Variants in ANAPC1 observed in about 807,000 individuals in gnomAD.
The protein encoded by ANAPC1 is anaphase-promoting complex subunit 1.
ANAPC1 carries 36 observed loss-of-function variants against 208.0 expected under a neutral mutation model. The observed-to-expected ratio is 0.17, with a 90% CI of 0.13 to 0.23. The LOEUF is 0.23. ANAPC1 is among the 10% of genes least tolerant of loss of function. The probability of loss-of-function intolerance (pLI) is 1.00; values close to 1 mark genes in which losing one functional copy is unlikely to be tolerated. For missense variants in ANAPC1, 942 were observed against 2,011.6 expected, an observed-to-expected ratio of 0.47 and a Z score of 10.17; for synonymous variants, 378 against 695.2, an observed-to-expected ratio of 0.54 and a Z score of 7.18.
intron 1 of ANAPC1, among the ~76,000 whole-genome samples, chr2:111,881,760 G>C (rs1336606841): frequency 2.0e-5 from 3 of 152,140 alleles, no homozygotes; most frequent in Admixed American, 6.5e-5. Flanking sequence ...TAAGACTTTT[G>C]AGATGATGCA....
At chr2:111,866,172 C>T (rs1558736584) in intron 7 of ANAPC1, 1 of 245,448 alleles carries the variant, frequency 4.1e-6, no homozygotes, top group Non-Finnish European at 7.9e-6. Context: ...CCACTGCACT[C>T]CAGCCTGGGC....
intron 38 of ANAPC1, among the ~76,000 whole-genome samples, chr2:111,790,335 T>C (rs556783686): frequency 1.3e-5 from 2 of 152,218 alleles, no homozygotes; most frequent in East Asian, 3.9e-4. Flanking sequence ...AAAACACACT[T>C]TTGAAGAAGA....
intron 34 of ANAPC1, among the ~76,000 whole-genome samples, chr2:111,797,704 A>G (rs1339361938): frequency 6.6e-6 from 1 of 150,960 alleles, no homozygotes; most frequent in East Asian, 2.0e-4. Context: ...ACTATTTCTA[A>G]AAGGGTCAAA....
intron 14 of ANAPC1, among the ~76,000 whole-genome samples, chr2:111,848,308 C>T (rs1420034257): frequency 2.0e-5 from 3 of 151,398 alleles, no homozygotes; most frequent in Non-Finnish European, 4.4e-5. Flanking sequence ...GGAGAGAAGG[C>T]AACTGCAGGG....
intron 17 of ANAPC1, among the ~76,000 whole-genome samples, chr2:111,838,938 T>G (rs1016604114): frequency 2.0e-5 from 3 of 152,190 alleles, no homozygotes; most frequent in Non-Finnish European, 4.4e-5. Context: ...GTAAACTATC[T>G]AACAATTCTA....
intron 13 of ANAPC1, among the ~76,000 whole-genome samples, chr2:111,854,929 C>T (rs1054343454): frequency 6.6e-6 from 1 of 152,206 alleles, no homozygotes; most frequent in African/African-American, 2.4e-5. Flanking sequence ...TTTTCCTCTG[C>T]ATGCACAAGT....
At chr2:111,775,045 A>G (rs189615323) in intron 46 of ANAPC1, among the ~76,000 whole-genome samples, 1 of 152,298 alleles carries the variant, frequency 6.6e-6, no homozygotes, top group Admixed American at 6.5e-5. Context: ...AGGCACGTAG[A>G]TCATGAGGTC....
intron 38 of ANAPC1, among the ~76,000 whole-genome samples, chr2:111,791,297 AGGATAT>A: frequency 6.7e-6 from 1 of 150,322 alleles, no homozygotes; most frequent in East Asian, 1.9e-4. Flanking sequence ...AGGGTTGACA[AGGATAT>A]GGAACAACTG....
In ANAPC1 at chr2:111,782,282, G is replaced by T. The variant is rs190167549; in HGVS notation, c.5202+87C>A. ...ATCTGCAACAATGAAAAAGGAAGCAGATCCACCTTTGAAGTTTATAGCAAT... is the reference window on the plus strand; with the variant it reads ...ATCTGCAACAATGAAAAAGGAAGCATATCCACCTTTGAAGTTTATAGCAAT... On this transcript the variant is annotated intron_variant, in intron 43 of 47. Transcript: ENST00000341068. The T allele has an allele frequency of 3.9e-3, 6,055 of 1,535,614 alleles. 177 individuals are homozygous for T. The African/African-American group carries it at 0.072, about 18-fold the overall frequency.
chr2:111,771,571 T>C (rs1305216734), intron 47 of ANAPC1, among the ~76,000 whole-genome samples: 1 of 151,314 alleles, frequency 6.6e-6, no homozygotes, highest in Non-Finnish European at 1.5e-5. Context: ...CTCCCTGTTG[T>C]ACTTCCCTTT....
At chr2:111,782,713 T>C (rs1044429296) in intron 42 of ANAPC1, among the ~76,000 whole-genome samples, 1 of 152,220 alleles carries the variant, frequency 6.6e-6, no homozygotes, top group African/African-American at 2.4e-5. Flanking sequence ...TCTAGATTCA[T>C]GGAACTTGTT....
intron 28 of ANAPC1, among the ~76,000 whole-genome samples, chr2:111,810,603 C>T (rs1678932502): frequency 6.7e-6 from 1 of 148,588 alleles, no homozygotes; most frequent in Admixed American, 6.7e-5. Flanking sequence ...AAGAGTGGGG[C>T]TGGGTGCAGA....
chr2:111,804,077 TTTAGAG>T (rs1443882117), intron 30 of ANAPC1, among the ~76,000 whole-genome samples: 1 of 151,334 alleles, frequency 6.6e-6, no homozygotes, highest in East Asian at 1.9e-4. Context: ...ACATAAGAGC[TTTAGAG>T]TTAGTTACAT....
At position 111,794,300 on chromosome 2, in the gene ANAPC1, G is replaced by A. The variant is rs1446224048; in HGVS notation, c.4397C>T (p.Ala1466Val). Residue 1466 changes from alanine to valine, a missense_variant, in exon 36 of 48, where the codon GCA (alanine) becomes GTA (valine). Transcript: ENST00000341068. The stretch of plus-strand genomic sequence containing the variant: ...AAAACCCAGAGACAAGCAGGCTCCT[G>A]CAATTATGTAGACATGTGCTTGGCT... ...TLSQAHVYIIAGACLSLGFRF... is the reference protein window; with the variant it reads ...TLSQAHVYIIVGACLSLGFRF... The A allele has an allele frequency of 6.2e-7, 1 of 1,612,904 alleles. No individual in the cohort carries two copies. Among genetic ancestry groups the A allele is most frequent in the Non-Finnish European group, 8.5e-7 (1 of 1,179,500 alleles).
At chr2:111,878,688 A>G in intron 3 of ANAPC1, 122 bp downstream of exon 3, 1 of 1,317,996 alleles carries the variant, frequency 7.6e-7, no homozygotes, top group Middle Eastern at 2.7e-4. Flanking sequence ...GTCATGTTAC[A>G]ACGTACACCC....
At chr2:111,771,676 A>G (rs1676746247) in intron 47 of ANAPC1, among the ~76,000 whole-genome samples, 1 of 151,444 alleles carries the variant, frequency 6.6e-6, no homozygotes, top group Admixed American at 6.6e-5. Context: ...AAGTCTCTAG[A>G]TAGTAAACTT....
intron 28 of ANAPC1, among the ~76,000 whole-genome samples, chr2:111,813,338 G>GA (rs1558685353): frequency 6.6e-6 from 1 of 150,990 alleles, no homozygotes; most frequent in Non-Finnish European, 1.5e-5. Context: ...CTGAAAGCCC[G>GA]ACTCCTCTGA....
At chr2:111,777,315 C>T (rs1034125169) in intron 45 of ANAPC1, among the ~76,000 whole-genome samples, 2 of 152,088 alleles carry the variant, frequency 1.3e-5, no homozygotes, top group Non-Finnish European at 2.9e-5. Context: ...ATTCTTGGCT[C>T]AACAGCTCCG....
chr2:111,808,125 AG>A (rs1378539235), intron 29 of ANAPC1, among the ~76,000 whole-genome samples: 1 of 149,650 alleles, frequency 6.7e-6, no homozygotes, highest in African/African-American at 2.4e-5. Context: ...GAACGGCAGC[AG>A]AACAGCCGGC....
Sources: allele counts gnomAD v4.1 joint callset (sites outside exome capture counted in the v4.1 genomes callset), GRCh38; gene constraint gnomAD v4.1.1; transcripts MANE v1.5; gene names NCBI Gene and HGNC (gene_info 2026-07-23, HGNC 2026-07-21).